The following SLC27A6 variants were observed in gnomAD, a reference collection of about 807,000 sequenced individuals.
SLC27A6 encodes long-chain fatty acid transport protein 6.
In SLC27A6, 74 loss-of-function variants were observed where a neutral mutation model predicts 63.9. That is an observed-to-expected ratio of 1.16 (90% CI 0.96 to 1.40). The LOEUF is 1.40. SLC27A6 is among the 40% of genes most tolerant of loss of function. The probability of loss-of-function intolerance (pLI) is 0.00; values close to 1 mark genes in which losing one functional copy is unlikely to be tolerated. For missense variants in SLC27A6, 794 were observed against 732.9 expected, an observed-to-expected ratio of 1.08 and a Z score of -0.96; for synonymous variants, 287 against 260.8, an observed-to-expected ratio of 1.10 and a Z score of -0.97.
intron 6 of SLC27A6, among the ~76,000 whole-genome samples, chr5:129,025,721 TATGATGATG>T (rs562276860): frequency 6.6e-6 from 1 of 151,720 alleles, no homozygotes; most frequent in Admixed American, 6.6e-5. Context: ...ATGGTGATGA[TATGATGATG>T]ATGATGATGA....
At position 128,984,371 on chromosome 5, in the gene SLC27A6, AGAT is replaced by A. The variant is rs948325149; in HGVS notation, c.482-758_482-756del. On this transcript the variant is annotated intron_variant, in intron 1 of 9. Coordinates refer to ENST00000262462, the MANE Select transcript of SLC27A6 (RefSeq NM_001017372.3). ...TTTCACCACTACTCCTCTCTTGAAC[AGAT>A]GATATTTTTTTCCTGGGTTACTGGG... Among the ~76,000 whole-genome samples the A allele has an allele frequency of 1.2e-4, 18 of 152,164 alleles. 1 individual carries two copies. The highest frequency in any genetic ancestry group is 1.2e-3 in the Admixed American group (18 of 15,280).
intron 4 of SLC27A6, among the ~76,000 whole-genome samples, chr5:129,006,234 G>A (rs921416520): frequency 6.6e-6 from 1 of 151,422 alleles, no homozygotes; most frequent in Non-Finnish European, 1.5e-5. Flanking sequence ...GCCAGCCGCC[G>A]CGCCAGCTGC....
chr5:128,980,957 A>G (rs1561613256), intron 1 of SLC27A6, among the ~76,000 whole-genome samples: 1 of 152,214 alleles, frequency 6.6e-6, no homozygotes, highest in Non-Finnish European at 1.5e-5. Context: ...TTGCAGTCTC[A>G]AAAATGTGAA....
At position 128,966,356 on chromosome 5, in the gene SLC27A6, C is replaced by T. The variant is rs1250169464; in HGVS notation, c.219C>T (p.Ile73=). The T allele has an allele frequency of 6.2e-7, 1 of 1,612,494 alleles. No individual in the cohort carries two copies. Among genetic ancestry groups the T allele is most frequent in the South Asian group, 1.1e-5 (1 of 90,904 alleles). Reference sequence around the variant, plus strand: ...AAAGACAACCTCGGAAACCTTTCATCATCTATGAGGGAGACATCTACACCT... The same window carrying T: ...AAAGACAACCTCGGAAACCTTTCATTATCTATGAGGGAGACATCTACACCT... ...HAKRQPRKPF[I]IYEGDIYTYQ... Residue 73 remains isoleucine, a synonymous_variant, in exon 1 of 10, where the codon ATC becomes ATT. Transcript: ENST00000262462.
At chr5:129,012,291 A>G (rs1172343302) in intron 4 of SLC27A6, among the ~76,000 whole-genome samples, 1 of 150,754 alleles carries the variant, frequency 6.6e-6, no homozygotes, top group Non-Finnish European at 1.5e-5. Flanking sequence ...TTTGTAATTG[A>G]TCTGTGGTTT....
At chr5:128,966,902 G>A (rs1450413100) in intron 1 of SLC27A6, among the ~76,000 whole-genome samples, 1 of 152,166 alleles carries the variant, frequency 6.6e-6, no homozygotes, top group African/African-American at 2.4e-5. Context: ...AACACACAGA[G>A]AACTTGGTCA....
rs1752272819 is a variant in SLC27A6 at position 129,027,188 on chromosome 5, T to A, written c.1311T>A (p.Tyr437Ter). 1 of 1,613,572 alleles carries A rather than the reference T, an allele frequency of 6.2e-7. No individual in the cohort carries two copies. Among genetic ancestry groups the A allele is most frequent in the Non-Finnish European group, 8.5e-7 (1 of 1,179,598 alleles). ...RVNAKNPFFG[Y>*]AGPYKHTKDK... is the part of the protein sequence containing the mutation. Reference sequence around the variant, plus strand: ...ATGCAAAAAATCCCTTCTTTGGCTATGCTGGGCCTTATAAGCACACAAAAG... The same window carrying A: ...ATGCAAAAAATCCCTTCTTTGGCTAAGCTGGGCCTTATAAGCACACAAAAG... Residue 437 changes from tyrosine (Y) to a stop codon, truncating the protein, a stop_gained, in exon 7 of 10, where the codon TAT becomes TAA. Coordinates refer to ENST00000262462, the MANE Select transcript of SLC27A6 (RefSeq NM_001017372.3). LOFTEE classifies it high-confidence loss of function.
chr5:128,996,193 C>G (rs1751154710), intron 4 of SLC27A6, among the ~76,000 whole-genome samples: 1 of 152,074 alleles, frequency 6.6e-6, no homozygotes. Flanking sequence ...TTTCAAGCTA[C>G]TATTTGTAGT....
At chr5:128,981,012 T>G (rs745988048) in intron 1 of SLC27A6, among the ~76,000 whole-genome samples, 2 of 152,200 alleles carry the variant, frequency 1.3e-5, no homozygotes, top group Non-Finnish European at 2.9e-5. Flanking sequence ...ATTTGTAAAA[T>G]AAATGCTAAA....
intron 1 of SLC27A6, among the ~76,000 whole-genome samples, chr5:128,974,443 A>G (rs1346745191): frequency 1.3e-5 from 2 of 152,230 alleles, no homozygotes; most frequent in East Asian, 3.8e-4. Flanking sequence ...CCAAAGATGG[A>G]AAAATTCTAT....
At position 129,032,783 on chromosome 5, in the gene SLC27A6, G is replaced by A. The variant is rs1402789008; in HGVS notation, c.1684-323G>A. Among the ~76,000 whole-genome samples, 3 of 151,756 alleles carry A rather than the reference G, an allele frequency of 2.0e-5. No individual in the cohort carries two copies. The East Asian group carries it at 5.8e-4, about 29-fold the overall frequency. On this transcript the variant is annotated intron_variant, in intron 9 of 9. Transcript: ENST00000262462. ...GCTTTTATCTCCTTAGCATCTTATGGCATTCTCTATACATAATGTTATATT... is the reference window on the plus strand; with the variant it reads ...GCTTTTATCTCCTTAGCATCTTATGACATTCTCTATACATAATGTTATATT...
At chr5:128,980,347 G>A (rs190280196) in intron 1 of SLC27A6, among the ~76,000 whole-genome samples, 5 of 152,318 alleles carry the variant, frequency 3.3e-5, no homozygotes, top group Non-Finnish European at 7.4e-5. Flanking sequence ...AAAGAGGAGA[G>A]GGAGACTCAG....
At chr5:129,018,962 T>C (rs1489975035) in intron 5 of SLC27A6, among the ~76,000 whole-genome samples, 1 of 152,088 alleles carries the variant, frequency 6.6e-6, no homozygotes. Flanking sequence ...ATTAGAAAAA[T>C]TTGGTTCAAT....
At chr5:128,983,879 AT>A (rs1276449751) in intron 1 of SLC27A6, among the ~76,000 whole-genome samples, 2 of 151,904 alleles carry the variant, frequency 1.3e-5, no homozygotes, top group African/African-American at 4.8e-5. Context: ...GGATCCAAGA[AT>A]TTTTTCTTGT....
At chr5:129,020,965 A>G (rs544547393) in intron 5 of SLC27A6, among the ~76,000 whole-genome samples, 1 of 151,956 alleles carries the variant, frequency 6.6e-6, no homozygotes, top group East Asian at 1.9e-4. Flanking sequence ...GTATAATAAT[A>G]CGCACGAACT....
At chr5:128,973,485 TC>T (rs1750263721) in intron 1 of SLC27A6, among the ~76,000 whole-genome samples, 1 of 152,098 alleles carries the variant, frequency 6.6e-6, no homozygotes, top group Non-Finnish European at 1.5e-5. Flanking sequence ...AGTGGTGGAC[TC>T]CCCTCCCCTA....
intron 3 of SLC27A6, 96 bp from the exon 4 acceptor site, chr5:128,990,244 C>A: frequency 8.1e-7 from 1 of 1,234,918 alleles, no homozygotes; most frequent in Non-Finnish European, 1.1e-6. Flanking sequence ...TTAAAATGAG[C>A]AAACATGTTC....
Position 129,023,664 on chromosome 5 carries a change from T to C in SLC27A6, c.1209T>C (p.Asp403=), listed in dbSNP as rs756170899. The change falls in exon 6 of 10, where the codon GAT becomes GAC. Residue 403 remains aspartate, a synonymous_variant. Coordinates refer to ENST00000262462, the MANE Select transcript of SLC27A6 (RefSeq NM_001017372.3). The stretch of plus-strand genomic sequence containing the variant: ...TAATAAAGTATGACTTTCAGAAAGA[T>C]GAACCCATGAGAAATGAGCAGGGTT... ...FDLIKYDFQK[D]EPMRNEQGWC... The C allele has an allele frequency of 2.5e-6, 4 of 1,610,714 alleles. No individual in the cohort carries two copies. The highest frequency in any genetic ancestry group is 1.7e-6 in the Non-Finnish European group (2 of 1,178,724).
At chr5:128,969,781 C>A (rs1380297667) in intron 1 of SLC27A6, among the ~76,000 whole-genome samples, 1 of 152,154 alleles carries the variant, frequency 6.6e-6, no homozygotes, top group Non-Finnish European at 1.5e-5. Flanking sequence ...ATTGCCCTGG[C>A]CAGAATTTCC....
Sources: allele counts gnomAD v4.1 joint callset (sites outside exome capture counted in the v4.1 genomes callset), GRCh38; gene constraint gnomAD v4.1.1; transcripts MANE v1.5; gene names NCBI Gene and HGNC (gene_info 2026-07-23, HGNC 2026-07-21).